Variants in HFM1 observed in about 807,000 individuals in gnomAD.
HFM1 encodes the protein probable ATP-dependent DNA helicase HFM1.
HFM1 carries 169 observed loss-of-function variants against 192.1 expected under a neutral mutation model. The observed-to-expected ratio is 0.88, with a 90% CI of 0.78 to 1.00. The LOEUF (loss-of-function observed/expected upper bound fraction) is 1.00. HFM1 is among the 50% of genes least tolerant of loss of function. The pLI is 0.00. For missense variants in HFM1, 1,661 were observed against 1,668.0 expected (o/e 1.00, Z 0.07); for synonymous variants, 525 against 537.8 (o/e 0.98, Z 0.33).
chr1:91,271,506 A>G (rs1666290001), intron 34 of HFM1, among the ~76,000 whole-genome samples: 1 of 152,168 alleles, frequency 6.6e-6, no homozygotes, highest in Non-Finnish European at 1.5e-5. Flanking sequence ...AAGAGACTTC[A>G]GCATATTTAT....
intron 32 of HFM1, among the ~76,000 whole-genome samples, 155 bp from the exon 33 acceptor site, chr1:91,274,964 A>G (rs1440257384): frequency 1.3e-5 from 2 of 149,700 alleles, no homozygotes; most frequent in African/African-American, 4.9e-5. Context: ...TATTTCACTC[A>G]GGCCCTTCTT....
chr1:91,277,723 T>C (rs1667016462), intron 30 of HFM1, among the ~76,000 whole-genome samples: 1 of 125,958 alleles, frequency 7.9e-6, no homozygotes, highest in Non-Finnish European at 1.6e-5. Context: ...TTATATAATA[T>C]ATACTAATAT....
At chr1:91,261,723 A>T (rs1046874443) in intron 38 of HFM1, 2 of 160,432 alleles carry the variant, frequency 1.2e-5, no homozygotes, top group African/African-American at 4.8e-5. Context: ...GACTAGTCTT[A>T]AACAAAAGCA....
Position 91,314,021 on chromosome 1 carries a change from C to CT in HFM1, c.3179dup (p.Ile1061AspfsTer8). The stretch of plus-strand genomic sequence containing the variant: ...ATTTAAGAGCTCTTTTCACAGCAAT[C>CT]TTTTTAGCCCAACTTCCAGCTTTTA... On this transcript the variant is annotated frameshift_variant, in exon 29 of 39. Transcript: ENST00000370425. LOFTEE classifies it high-confidence loss of function. The CT allele has an allele frequency of 1.9e-6, 3 of 1,610,780 alleles. No homozygotes were observed. Among genetic ancestry groups the CT allele is most frequent in the Non-Finnish European group, 2.5e-6 (3 of 1,177,974 alleles).
chr1:91,274,561 G>A (rs1487182933), intron 33 of HFM1, among the ~76,000 whole-genome samples, 169 bp downstream of exon 33: 3 of 151,952 alleles, frequency 2.0e-5, no homozygotes, highest in African/African-American at 7.3e-5. Flanking sequence ...ATAAATTTAG[G>A]GTATCAAAGA....
At chr1:91,386,857 A>G (rs1295708934) in intron 4 of HFM1, among the ~76,000 whole-genome samples, 1 of 152,192 alleles carries the variant, frequency 6.6e-6, no homozygotes, top group Non-Finnish European at 1.5e-5. Context: ...CAGTTTTCCT[A>G]GCCAATCAAA....
rs184298282 is a variant in HFM1, at chr1:91,324,324, A to G, written c.2427+351T>C. On this transcript the variant is annotated intron_variant, in intron 21 of 38. Coordinates refer to ENST00000370425, the MANE Select transcript of HFM1 (RefSeq NM_001017975.6). ...TTCACTCATGGTAGACTTTCCTAAT[A>G]TATCACACCACATCATCTTGGAATC... Among the ~76,000 whole-genome samples the G allele has an allele frequency of 4.6e-5, 7 of 152,336 alleles. No homozygotes were observed. In the East Asian group the frequency reaches 9.7e-4, roughly 21 times the overall value.
At chr1:91,316,351 C>A in intron 26 of HFM1, 40 bp downstream of exon 26, 1 of 1,223,940 alleles carries the variant, frequency 8.2e-7, no homozygotes, top group Non-Finnish European at 1.2e-6. Context: ...AGGTAGGCCT[C>A]AGAATTTAGA....
intron 28 of HFM1, among the ~76,000 whole-genome samples, chr1:91,314,459 T>G (rs1650916707): frequency 6.6e-6 from 1 of 152,126 alleles, no homozygotes; most frequent in Non-Finnish European, 1.5e-5. Context: ...GGTCTCACTT[T>G]GTTGCCCAGG....
At chr1:91,262,639 A>T (rs945479885) in intron 36 of HFM1, 47 bp from the exon 37 acceptor site, 1 of 1,190,268 alleles carries the variant, frequency 8.4e-7, no homozygotes, top group Non-Finnish European at 1.2e-6. Context: ...AACAAGAAAA[A>T]CCATTTTAAT....
At chr1:91,355,330 C>T (rs1386212115) in intron 13 of HFM1, among the ~76,000 whole-genome samples, 1 of 151,288 alleles carries the variant, frequency 6.6e-6, no homozygotes, top group Non-Finnish European at 1.5e-5. Flanking sequence ...AACCAGAAAA[C>T]AATTAAAATG....
chr1:91,346,949 C>T (rs530433996), intron 19 of HFM1, among the ~76,000 whole-genome samples: 1 of 152,060 alleles, frequency 6.6e-6, no homozygotes, highest in East Asian at 1.9e-4. Context: ...ACAGTGAGAA[C>T]CCCTTTCTAA....
intron 30 of HFM1, among the ~76,000 whole-genome samples, chr1:91,283,232 G>GA (rs989488021): frequency 4.6e-5 from 7 of 151,858 alleles, no homozygotes; most frequent in East Asian, 1.9e-4. Flanking sequence ...AAGGTTCTCA[G>GA]AAAAAAAATA....
intron 19 of HFM1, among the ~76,000 whole-genome samples, chr1:91,345,109 T>A (rs1345223579): frequency 1.3e-5 from 2 of 152,142 alleles, no homozygotes; most frequent in East Asian, 3.8e-4. Context: ...CTCACCCTAA[T>A]TGTCAAAATA....
intron 38 of HFM1, chr1:91,261,705 C>A (rs1665172956): frequency 6.1e-6 from 1 of 164,852 alleles, no homozygotes; most frequent in African/African-American, 2.4e-5. Flanking sequence ...ATCCCCACTG[C>A]TTCACTTGAC....
chr1:91,361,966 A>T (rs1658576526), intron 13 of HFM1, among the ~76,000 whole-genome samples: 3 of 152,202 alleles, frequency 2.0e-5, no homozygotes, highest in African/African-American at 7.2e-5. Flanking sequence ...CAATAGACAC[A>T]GAAAAGGACT....
intron 3 of HFM1, among the ~76,000 whole-genome samples, chr1:91,395,526 G>A (rs1052483998): frequency 6.6e-6 from 1 of 152,038 alleles, no homozygotes; most frequent in Non-Finnish European, 1.5e-5. Context: ...TTTAGAGATA[G>A]GGTCCCACTA....
rs1188199156 is a variant in HFM1, at chr1:91,304,422, AAGATAT to A, written c.3391+8921_3391+8926del. ...GTTGCCTTGTACAAGGTAATGAATG[AAGATAT>A]ACACCTATGTTTTCTTTTAAGAGTT... is the stretch of plus-strand genomic sequence containing the variant. On this transcript the variant is annotated intron_variant, in intron 30 of 38. Transcript: ENST00000370425. Among the ~76,000 whole-genome samples, 36 of 149,894 alleles carry A rather than the reference AAGATAT, an allele frequency of 2.4e-4. 1 individual carries two copies. The highest frequency in any genetic ancestry group is 8.8e-4 in the African/African-American group (36 of 40,776).
intron 20 of HFM1, chr1:91,328,690 CG>C (rs1653319408): frequency 3.1e-5 from 50 of 1,599,178 alleles, no homozygotes; most frequent in Non-Finnish European, 4.3e-5. Flanking sequence ...CAGTGAACTG[CG>C]GGGCTGAGGC....
Sources: allele counts gnomAD v4.1 joint callset (sites outside exome capture counted in the v4.1 genomes callset), GRCh38; gene constraint gnomAD v4.1.1; transcripts MANE v1.5; gene names NCBI Gene and HGNC (gene_info 2026-07-23, HGNC 2026-07-21).